The following AKAP12 variants were observed in gnomAD, a reference collection of about 807,000 sequenced individuals.
AKAP12 encodes the protein A-kinase anchoring protein 12.
In AKAP12, 32 loss-of-function variants were observed where a neutral mutation model predicts 79.9. The ratio of observed to expected loss-of-function variants is 0.40; its 90% CI spans 0.30 to 0.54. The LOEUF is 0.54. Ranked by LOEUF, AKAP12 falls within the 20% of genes least tolerant of loss-of-function variation. The pLI, the probability that AKAP12 is intolerant of heterozygous loss-of-function variation, is 0.48. For synonymous variants in AKAP12, 808 were observed against 857.0 expected, an observed-to-expected ratio of 0.94 and a Z score of 1.00; for missense variants, 2,074 against 2,177.0, an observed-to-expected ratio of 0.95 and a Z score of 0.94.
At chr6:151,308,945 G>A (rs1777032631) in intron 3 of AKAP12, among the ~76,000 whole-genome samples, 1 of 152,116 alleles carries the variant, frequency 6.6e-6, no homozygotes, top group East Asian at 1.9e-4. Flanking sequence ...CGTGATCTTG[G>A]CTCACTGCAG....
chr6:151,326,143 C>A (rs998440024), intron 3 of AKAP12, among the ~76,000 whole-genome samples: 1 of 152,094 alleles, frequency 6.6e-6, no homozygotes, highest in Admixed American at 6.5e-5. Context: ...CTATGGGAGA[C>A]CTTTAGTATA....
Position 151,352,109 on chromosome 6 carries a change from G to T in AKAP12, c.3718G>T (p.Glu1240Ter). ...AGAAACTAAAGAACAATCAAAGATG[G>T]AAGACACTCTAGAGCATACAGATAA... ...QEETKEQSKMEDTLEHTDKEV... is the reference protein window; with the variant it reads ...QEETKEQSKM The change falls in exon 4 of 5, where the codon GAA becomes TAA. Residue 1240 changes from glutamate to a stop codon, truncating the protein, a stop_gained. Transcript: ENST00000402676. LOFTEE classifies it low-confidence loss of function (END_TRUNC). 3 of 1,614,122 alleles carry T rather than the reference G, an allele frequency of 1.9e-6. No homozygotes were observed. Among genetic ancestry groups the T allele is most frequent in the Non-Finnish European group, 2.5e-6 (3 of 1,180,032 alleles).
At chr6:151,312,652 C>T (rs1336196907) in intron 3 of AKAP12, among the ~76,000 whole-genome samples, 1 of 151,948 alleles carries the variant, frequency 6.6e-6, no homozygotes, top group Non-Finnish European at 1.5e-5. Context: ...ATTAGCCGGG[C>T]GTGGTGGCGG....
chr6:151,332,832 G>A (rs1443986121), intron 3 of AKAP12, among the ~76,000 whole-genome samples: 21 of 152,194 alleles, frequency 1.4e-4, no homozygotes, highest in Admixed American at 1.4e-3. Context: ...GACCTAGTGG[G>A]ATGCTGGAAT....
At chr6:151,297,351 TG>T (rs1776757905) in intron 2 of AKAP12, among the ~76,000 whole-genome samples, 1 of 151,472 alleles carries the variant, frequency 6.6e-6, no homozygotes, top group South Asian at 2.1e-4. Context: ...CCGAGGCGGG[TG>T]GATCACGAGG....
chr6:151,242,864 C>T (rs2114672459), intron 2 of AKAP12, among the ~76,000 whole-genome samples: 1 of 152,324 alleles, frequency 6.6e-6, no homozygotes, highest in South Asian at 2.1e-4. Context: ...CTCAGGAATA[C>T]TTGTGGAAAG....
chr6:151,288,542 A>T (rs965222411), intron 2 of AKAP12, among the ~76,000 whole-genome samples: 9 of 152,170 alleles, frequency 5.9e-5, no homozygotes, highest in African/African-American at 2.2e-4. Context: ...AAGAGTCACG[A>T]GCACATTGGT....
chr6:151,257,510 T>G (rs1035978793), intron 2 of AKAP12, among the ~76,000 whole-genome samples: 4 of 152,152 alleles, frequency 2.6e-5, no homozygotes, highest in Non-Finnish European at 4.4e-5. Context: ...TTGGCCAGAC[T>G]GGTCTTGAAC....
rs139392597 is a variant in AKAP12 at position 151,350,542 on chromosome 6, C to T, written c.2151C>T (p.Ala717=). 1.9e-5 allele frequency: 30 copies of T among 1,613,850 alleles called. No individual in the cohort carries two copies. The highest frequency in any genetic ancestry group is 1.3e-4 in the East Asian group (6 of 44,876). The change falls in exon 4 of 5, where the codon GCC becomes GCT. Residue 717 remains alanine, a synonymous_variant. Coordinates refer to ENST00000402676, the MANE Select transcript of AKAP12 (RefSeq NM_005100.4). This position sits in a 1 kb window ranked among gnomAD's most constrained non-coding sequence, Gnocchi z 4.8. ...MGGDHQKADE[A]GKDKETGTDG... is the part of the protein sequence containing the mutation. ...GAGACCACCAGAAAGCTGATGAGGC[C>T]GGAAAAGACAAAGAGACGGGGACAG...
chr6:151,326,857 G>A (rs758915049), intron 3 of AKAP12, among the ~76,000 whole-genome samples: 1 of 151,220 alleles, frequency 6.6e-6, no homozygotes, highest in South Asian at 2.1e-4. Context: ...TTGCTCTTTC[G>A]CCAGACTGAA....
intron 2 of AKAP12, among the ~76,000 whole-genome samples, chr6:151,288,352 G>A (rs549819201): frequency 3.5e-4 from 53 of 151,894 alleles, no homozygotes; most frequent in South Asian, 1.3e-3. Flanking sequence ...CTGACTCTAC[G>A]AAAAATACAA....
chr6:151,295,089 T>C (rs992130802), intron 2 of AKAP12, among the ~76,000 whole-genome samples: 42 of 152,228 alleles, frequency 2.8e-4, no homozygotes, highest in African/African-American at 9.9e-4. Context: ...ACACGCAGTA[T>C]ACTCATGCTC....
intron 3 of AKAP12, among the ~76,000 whole-genome samples, chr6:151,319,423 A>G (rs1356513618): frequency 1.4e-5 from 2 of 147,698 alleles, no homozygotes; most frequent in Non-Finnish European, 3.0e-5. Context: ...ACACACCCTG[A>G]ATCTAAAAGA....
intron 2 of AKAP12, among the ~76,000 whole-genome samples, chr6:151,297,737 G>A (rs951190539): frequency 6.6e-6 from 1 of 152,008 alleles, no homozygotes; most frequent in Non-Finnish European, 1.5e-5. Context: ...CGCCTCTACC[G>A]AGCTGTTTCT....
In AKAP12 at chr6:151,278,531, A is replaced by G. The variant is rs565677216; in HGVS notation, c.163-27216A>G. Among the ~76,000 whole-genome samples, 8 of 151,540 alleles carry G rather than the reference A, an allele frequency of 5.3e-5. No homozygotes were observed. The East Asian group carries it at 1.6e-3, about 30-fold the overall frequency. ...GCACCTGGCTGTGTCATGTGTTTTT[A>G]TCAAAGAAGAATCATAGCATCGTAA... is the stretch of plus-strand genomic sequence containing the variant. On this transcript the variant is annotated intron_variant, in intron 2 of 4. Transcript: ENST00000402676.
chr6:151,348,169 A>C (rs565244144), intron 3 of AKAP12, among the ~76,000 whole-genome samples: 1 of 151,154 alleles, frequency 6.6e-6, no homozygotes, highest in African/African-American at 2.4e-5. Context: ...AACAAACAAA[A>C]AAAACAAATT....
intron 2 of AKAP12, among the ~76,000 whole-genome samples, chr6:151,301,651 G>A (rs1776864658): frequency 1.3e-5 from 2 of 152,200 alleles, no homozygotes; most frequent in African/African-American, 4.8e-5. Context: ...GACTAGGAAT[G>A]AAGTCCCATT....
intron 3 of AKAP12, among the ~76,000 whole-genome samples, chr6:151,326,485 A>C (rs1273389061): frequency 7.0e-6 from 1 of 142,492 alleles, no homozygotes; most frequent in Non-Finnish European, 1.5e-5. Context: ...TAGGCAACAA[A>C]TAGTAAAAAA....
chr6:151,325,557 CTCCCGAAG>C, intron 3 of AKAP12: 1 of 1,274,700 alleles, frequency 7.8e-7, no homozygotes, highest in Non-Finnish European at 9.9e-7. Context: ...GAAGTTTGCG[CTCCCGAAG>C]TCCTGGAGCT....
Sources: gnomAD v4.1 joint callset for allele counts (sites outside exome capture counted in the v4.1 genomes callset) on GRCh38, gnomAD v4.1.1 for gene constraint, Gnocchi (gnomAD v3.1) non-coding constraint, MANE v1.5 for transcripts, NCBI Gene and HGNC (gene_info 2026-07-23, HGNC 2026-07-21) for gene names.